The following SMR3A variants were observed in gnomAD, a reference collection of about 807,000 sequenced individuals.
SMR3A encodes the protein submaxillary gland androgen-regulated protein 3A.
For missense variants in SMR3A, 188 were observed against 163.0 expected, an observed-to-expected ratio of 1.15 and a Z score of -0.84; for synonymous variants, 48 against 57.4, an observed-to-expected ratio of 0.84 and a Z score of 0.74.
intron 1 of SMR3A, among the ~76,000 whole-genome samples, 189 bp downstream of exon 1, chr4:70,361,031 G>A (rs1732137538): frequency 6.6e-6 from 1 of 151,802 alleles, no homozygotes; most frequent in Non-Finnish European, 1.5e-5. Context: ...GTTGGGCATT[G>A]AGGACAATTA....
chr4:70,362,303 A>G, intron 2 of SMR3A, 134 bp downstream of exon 2: 1 of 1,480,624 alleles, frequency 6.8e-7, no homozygotes, highest in South Asian at 1.4e-5. Context: ...ACACTGTTCT[A>G]GTGGTTAAAT....
In SMR3A at chr4:70,366,715, T is replaced by A; in HGVS notation, c.126T>A (p.Cys42Ter). The A allele has an allele frequency of 6.2e-7, 1 of 1,613,164 alleles. No individual in the cohort carries two copies. Among genetic ancestry groups the A allele is most frequent in the Non-Finnish European group, 8.5e-7 (1 of 1,179,516 alleles). Reference protein sequence around the residue: ...PGPLAPPPPPCFPFGTGFVPP... With the variant: ...PGPLAPPPPP ...CACTGGCTCCTCCTCCTCCACCATG[T>A]TTTCCTTTTGGAACAGGATTTGTTC... The change falls in exon 3 of 3, where the codon TGT becomes TGA. Residue 42 changes from cysteine to a stop codon, truncating the protein, a stop_gained. Coordinates refer to ENST00000226460, the MANE Select transcript of SMR3A (RefSeq NM_012390.4). LOFTEE classifies it low-confidence loss of function (END_TRUNC).
At position 70,366,644 on chromosome 4, in the gene SMR3A, C is replaced by T. The variant is rs868750919; in HGVS notation, c.55C>T (p.Pro19Ser). The stretch of plus-strand genomic sequence containing the variant: ...ATTATTTACTTCTTTGTTTCCACAG[C>T]CTGGTGAGAGTCAAAGAGGCCCCAG... ...GLWALAACFT[P>S]GESQRGPRGP... The change falls in exon 3 of 3, where the codon CCT (proline) becomes TCT (serine). Residue 19 changes from proline to serine, a missense_variant and splice_region_variant. Transcript: ENST00000226460. 5 of 1,598,536 alleles carry T rather than the reference C, an allele frequency of 3.1e-6. No individual in the cohort carries two copies. The Middle Eastern group carries it at 8.4e-4, about 269-fold the overall frequency.
chr4:70,361,972 G>T, intron 1 of SMR3A, 130 bp from the exon 2 acceptor site: 1 of 1,417,528 alleles, frequency 7.1e-7, no homozygotes, highest in Non-Finnish European at 9.4e-7. Context: ...CCAAAATAAT[G>T]TTAGGCAAAT....
chr4:70,365,374 G>A (rs1732237523), intron 2 of SMR3A, among the ~76,000 whole-genome samples: 2 of 151,962 alleles, frequency 1.3e-5, no homozygotes, highest in African/African-American at 4.8e-5. Context: ...ACCATATCCA[G>A]CCTCAGCTAT....
intron 2 of SMR3A, among the ~76,000 whole-genome samples, chr4:70,364,103 T>C (rs1449711679): frequency 6.6e-6 from 1 of 151,932 alleles, no homozygotes; most frequent in Non-Finnish European, 1.5e-5. Context: ...AGAAGTGGGG[T>C]TGGCAAATTT....
At position 70,366,714 on chromosome 4, in the gene SMR3A, G is replaced by C; in HGVS notation, c.125G>C (p.Cys42Ser). 6.2e-7 allele frequency: 1 copy of C among 1,613,202 alleles called. No individual in the cohort carries two copies. The highest frequency in any genetic ancestry group is 2.2e-5 in the East Asian group (1 of 44,772). The change falls in exon 3 of 3, where the codon TGT (cysteine) becomes TCT (serine). Residue 42 changes from cysteine to serine, a missense_variant. Coordinates refer to ENST00000226460, the MANE Select transcript of SMR3A (RefSeq NM_012390.4). The part of the protein sequence containing the change: ...PGPLAPPPPP[C>S]FPFGTGFVPP... ...CCACTGGCTCCTCCTCCTCCACCAT[G>C]TTTTCCTTTTGGAACAGGATTTGTT...
At chr4:70,362,774 G>C (rs2109750898) in intron 2 of SMR3A, among the ~76,000 whole-genome samples, 1 of 151,858 alleles carries the variant, frequency 6.6e-6, no homozygotes, top group East Asian at 1.9e-4. Context: ...TTCAACAGAA[G>C]GGTCAATTAA....
intron 1 of SMR3A, among the ~76,000 whole-genome samples, chr4:70,361,395 C>T (rs565470697): frequency 5.3e-5 from 8 of 151,942 alleles, no homozygotes; most frequent in Admixed American, 5.3e-4. Context: ...AGAACTCAAG[C>T]TATCAGGTAC....
intron 2 of SMR3A, among the ~76,000 whole-genome samples, chr4:70,366,163 G>T (rs531513924): frequency 1.3e-5 from 2 of 151,946 alleles, no homozygotes; most frequent in African/African-American, 4.8e-5. Flanking sequence ...ATAACTCTGA[G>T]CTTGGCTTAG....
At position 70,364,802 on chromosome 4, in the gene SMR3A, T is replaced by C. The variant is rs576228328; in HGVS notation, c.55-1842T>C. Among the ~76,000 whole-genome samples, 35 of 152,062 alleles carry C rather than the reference T, an allele frequency of 2.3e-4. 1 individual carries two copies. The highest frequency in any genetic ancestry group is 7.7e-4 in the African/African-American group (32 of 41,516). On this transcript the variant is annotated intron_variant, in intron 2 of 2. Coordinates refer to ENST00000226460, the MANE Select transcript of SMR3A (RefSeq NM_012390.4). The stretch of plus-strand genomic sequence containing the variant: ...CTAAGGTAAGATACTCAAAAAAGGA[T>C]TTCAGGCAGCACTGAAGGACGCTAA...
intron 2 of SMR3A, among the ~76,000 whole-genome samples, chr4:70,362,535 A>G (rs1732172298): frequency 6.6e-6 from 1 of 151,524 alleles, no homozygotes; most frequent in Admixed American, 6.6e-5. Flanking sequence ...TTAAAAATAT[A>G]GTATTAAAGT....
At chr4:70,363,604 T>G (rs1342568577) in intron 2 of SMR3A, among the ~76,000 whole-genome samples, 2 of 151,736 alleles carry the variant, frequency 1.3e-5, no homozygotes, top group African/African-American at 4.8e-5. Context: ...GAGAGGGGAG[T>G]GTTTCTTCCT....
chr4:70,363,392 G>A (rs1732189880), intron 2 of SMR3A, among the ~76,000 whole-genome samples: 1 of 151,882 alleles, frequency 6.6e-6, no homozygotes, highest in Non-Finnish European at 1.5e-5. Flanking sequence ...TATTCAGCCT[G>A]TTACCTTTTG....
intron 2 of SMR3A, among the ~76,000 whole-genome samples, chr4:70,364,934 C>G (rs1332801602): frequency 6.6e-6 from 1 of 151,886 alleles, no homozygotes; most frequent in African/African-American, 2.4e-5. Flanking sequence ...TTAGGATTAG[C>G]AAGGGTAATG....
intron 2 of SMR3A, among the ~76,000 whole-genome samples, chr4:70,362,683 A>C (rs1169402008): frequency 6.6e-6 from 1 of 151,884 alleles, no homozygotes; most frequent in Non-Finnish European, 1.5e-5. Flanking sequence ...TAGGTTAAGG[A>C]CAACTACCCT....
At chr4:70,363,893 C>T (rs77890034) in intron 2 of SMR3A, among the ~76,000 whole-genome samples, 1 of 151,952 alleles carries the variant, frequency 6.6e-6, no homozygotes, top group Non-Finnish European at 1.5e-5. Flanking sequence ...TCCACATAAC[C>T]TGACTAGTCC....
chr4:70,365,110 C>A (rs960158549), intron 2 of SMR3A, among the ~76,000 whole-genome samples: 8 of 151,988 alleles, frequency 5.3e-5, no homozygotes, highest in African/African-American at 1.9e-4. Flanking sequence ...TGGCATGCTC[C>A]CTCCTTATTT....
chr4:70,362,600 A>C lies in SMR3A; in HGVS notation c.54+431A>C, dbSNP rs373844517. Among the ~76,000 whole-genome samples, 4 of 151,854 alleles carry C rather than the reference A, an allele frequency of 2.6e-5. No individual in the cohort carries two copies. In the South Asian group the frequency reaches 8.3e-4, roughly 32 times the overall value. Reference sequence around the variant, plus strand: ...GGAAGATGCATTTTGCAGAGGATTTAGGAGAATCTTTGCATGCTAAATTTT... The same window carrying C: ...GGAAGATGCATTTTGCAGAGGATTTCGGAGAATCTTTGCATGCTAAATTTT... On this transcript the variant is annotated intron_variant, in intron 2 of 2. Transcript: ENST00000226460.
Sources: allele counts gnomAD v4.1 joint callset (sites outside exome capture counted in the v4.1 genomes callset), GRCh38; gene constraint gnomAD v4.1.1; transcripts MANE v1.5; gene names NCBI Gene and HGNC (gene_info 2026-07-23, HGNC 2026-07-21).